Variants in RTN4 observed in about 807,000 individuals in gnomAD.
The protein encoded by RTN4 is reticulon-4.
A neutral mutation model predicts 90.4 loss-of-function variants in RTN4; 32 were observed. That is an observed-to-expected ratio of 0.35 (90% CI 0.27 to 0.48). The LOEUF is 0.48. RTN4 is among the 20% of genes least tolerant of loss of function. RTN4 has a pLI of 0.99. For synonymous variants in RTN4, 629 were observed against 552.5 expected (o/e 1.14, Z -1.94); for missense variants, 1,706 against 1,430.2 (o/e 1.19, Z -3.11).
the RTN4 span, among the ~76,000 whole-genome samples, chr2:55,135,342 G>C: frequency 1.7e-4 from 25 of 151,442 alleles, no homozygotes; most frequent in Non-Finnish European, 3.1e-4. Context: ...TGAGTAGCTC[G>C]ATTACACGTG....
chr2:55,046,856 A>T (rs1667773860), intron 1 of RTN4: 1 of 152,200 alleles, frequency 6.6e-6, no homozygotes, highest in African/African-American at 2.4e-5. Flanking sequence ...ATCAATATGG[A>T]ATTAGGGAAC....
rs561986554 is a variant in RTN4, at chr2:55,018,772, G to C, written c.3013+6314C>G. On this transcript the variant is annotated intron_variant, in intron 3 of 8. Transcript: ENST00000337526. The stretch of plus-strand genomic sequence containing the variant: ...TGTATGTGTGTATGTTTATTTTTAT[G>C]TATGTATATAAGCATTTCCTAGCTT... Among the ~76,000 whole-genome samples, 9 of 152,100 alleles carry C rather than the reference G, an allele frequency of 5.9e-5. No homozygotes were observed. The South Asian group carries it at 1.9e-3, about 32-fold the overall frequency.
intron 1 of RTN4, among the ~76,000 whole-genome samples, chr2:55,091,841 G>A (rs1423046212): frequency 3.8e-4 from 10 of 26,360 alleles, no homozygotes; most frequent in Admixed American, 2.9e-3. Flanking sequence ...GCAGCGGCAA[G>A]AGAAAAATAA....
chr2:54,996,352 G>T (rs545423005), intron 3 of RTN4, among the ~76,000 whole-genome samples: 2 of 152,198 alleles, frequency 1.3e-5, no homozygotes, highest in East Asian at 3.9e-4. Flanking sequence ...AATTCATATG[G>T]AAATATAAGG....
chr2:55,019,411 T>C (rs1681270655), intron 3 of RTN4, among the ~76,000 whole-genome samples: 1 of 152,190 alleles, frequency 6.6e-6, no homozygotes, highest in East Asian at 1.9e-4. Context: ...CTGCTTATCA[T>C]CTGCAAGGGA....
At chr2:54,997,533 A>G (rs539727925) in intron 3 of RTN4, among the ~76,000 whole-genome samples, 1 of 152,340 alleles carries the variant, frequency 6.6e-6, no homozygotes, top group Non-Finnish European at 1.5e-5. Context: ...AGAAAACACA[A>G]AAACTTAACA....
At chr2:55,102,823 G>T (rs1339750362) in intron 1 of RTN4, among the ~76,000 whole-genome samples, 2 of 152,098 alleles carry the variant, frequency 1.3e-5, no homozygotes, top group Non-Finnish European at 2.9e-5. Context: ...ATTAATCTAA[G>T]AAGTTACTAT....
chr2:55,039,578 G>C (rs541005397), intron 1 of RTN4, among the ~76,000 whole-genome samples: 4 of 152,128 alleles, frequency 2.6e-5, no homozygotes, highest in Non-Finnish European at 4.4e-5. Flanking sequence ...TCAGGAATTC[G>C]AGACCAGCCT....
chr2:55,089,037 A>G (rs1289244307), intron 1 of RTN4, among the ~76,000 whole-genome samples: 6 of 152,034 alleles, frequency 3.9e-5, no homozygotes, highest in East Asian at 3.9e-4. Flanking sequence ...GGTTCAAGCA[A>G]TTCTCCTGCC....
rs886382587 is a variant in RTN4 at position 55,064,442 on chromosome 2, C to G, written c.-63+16047G>C. Among the ~76,000 whole-genome samples the G allele has an allele frequency of 7.9e-5, 12 of 151,458 alleles. No individual in the cohort carries two copies. In the East Asian group the frequency reaches 9.7e-4, roughly 12 times the overall value. ...CTCGGCTCACTGCAACCTCCGCCTC[C>G]CGGGTTCAAGCAGTTCTCCTGCCTC... is the stretch of plus-strand genomic sequence containing the variant. On this transcript the variant is annotated intron_variant, in intron 2 of 3. Transcript: ENST00000427710.
upstream of RTN4, among the ~76,000 whole-genome samples, chr2:55,053,524 T>G (rs990008648): frequency 1.3e-5 from 2 of 151,732 alleles, no homozygotes; most frequent in African/African-American, 4.8e-5. Flanking sequence ...CCATCTCTAC[T>G]AAAAATACCA....
intron 2 of RTN4, among the ~76,000 whole-genome samples, chr2:55,070,748 T>TTTGTTG (rs71410417): frequency 0.43 from 64,052 of 149,274 alleles, 13,929 homozygotes; most frequent in East Asian, 0.64. Flanking sequence ...TGTTTTGATT[T>TTTGTTG]TTGTTGTTGT....
At chr2:55,047,774 A>G (rs562633818) in intron 1 of RTN4, among the ~76,000 whole-genome samples, 3 of 152,298 alleles carry the variant, frequency 2.0e-5, no homozygotes, top group African/African-American at 4.8e-5. Flanking sequence ...TGCATTCTCA[A>G]TCTCTAACAA....
the RTN4 span, among the ~76,000 whole-genome samples, chr2:55,136,976 C>G: frequency 6.6e-6 from 1 of 152,150 alleles, no homozygotes; most frequent in Non-Finnish European, 1.5e-5. Context: ...GGTACAGTCT[C>G]AAGGAACTGG....
At chr2:55,012,152 A>T (rs1680690242) in intron 3 of RTN4, among the ~76,000 whole-genome samples, 1 of 152,256 alleles carries the variant, frequency 6.6e-6, no homozygotes, top group Non-Finnish European at 1.5e-5. Flanking sequence ...AAAAAGTTTT[A>T]CTGTGATCAA....
chr2:54,983,458 G>C (rs1032309548), intron 4 of RTN4, among the ~76,000 whole-genome samples: 2 of 152,124 alleles, frequency 1.3e-5, no homozygotes, highest in Non-Finnish European at 2.9e-5. Flanking sequence ...AACCAACTCA[G>C]AAGTGCTGAG....
chr2:55,119,079 A>AG, the RTN4 span, among the ~76,000 whole-genome samples: 1 of 152,330 alleles, frequency 6.6e-6, no homozygotes, highest in African/African-American at 2.4e-5. Flanking sequence ...GCAGCCTGGA[A>AG]AAGAAATACA....
At chr2:55,059,010 A>C (rs11887323) in intron 2 of RTN4, among the ~76,000 whole-genome samples, 17,415 of 152,060 alleles carry the variant, frequency 0.11, 1,169 homozygotes, top group South Asian at 0.22. Flanking sequence ...TGCCTGGCCT[A>C]AGTTTTGGCT....
chr2:55,056,980 GT>G (rs1386283286), intron 2 of RTN4, among the ~76,000 whole-genome samples: 2 of 152,138 alleles, frequency 1.3e-5, no homozygotes, highest in African/African-American at 2.4e-5. Flanking sequence ...TATCCAGAAA[GT>G]AACCCAACCC....
Sources: gnomAD v4.1 joint callset for allele counts (sites outside exome capture counted in the v4.1 genomes callset) on GRCh38, gnomAD v4.1.1 for gene constraint, MANE v1.5 for transcripts, NCBI Gene and HGNC (gene_info 2026-07-23, HGNC 2026-07-21) for gene names.